Variants in LHPP observed in about 807,000 individuals in gnomAD.
LHPP encodes the protein phospholysine phosphohistidine inorganic pyrophosphate phosphatase.
LHPP carries 24 observed loss-of-function variants against 30.3 expected under a neutral mutation model. The observed-to-expected ratio is 0.79, with a 90% confidence interval of 0.57 to 1.11. The LOEUF is 1.11. Among genes scored for constraint, LHPP ranks in the 50% most tolerant of loss-of-function variants. The probability of loss-of-function intolerance (pLI) is 0.00; values close to 1 mark genes in which losing one functional copy is unlikely to be tolerated. For synonymous variants in LHPP, 150 were observed against 157.1 expected (o/e 0.95, Z 0.34); for missense variants, 356 against 367.2 (o/e 0.97, Z 0.25).
At chr10:124,469,481 CCACCTTCCCTTCA>C (rs1007290413) in intron 1 of LHPP, among the ~76,000 whole-genome samples, 1 of 151,430 alleles carries the variant, frequency 6.6e-6, no homozygotes, top group African/African-American at 2.4e-5. Flanking sequence ...GCTTAACCAC[CCACCTTCCCTTCA>C]CACCAGCCCC....
intron 6 of LHPP, among the ~76,000 whole-genome samples, chr10:124,609,762 C>T (rs1451846412): frequency 6.6e-6 from 1 of 152,190 alleles, no homozygotes; most frequent in African/African-American, 2.4e-5. Context: ...GTGTATTCCT[C>T]GAGTCTGGCC....
intron 6 of LHPP, among the ~76,000 whole-genome samples, chr10:124,587,087 C>T (rs1275671743): frequency 4.1e-5 from 6 of 146,698 alleles, no homozygotes; most frequent in Admixed American, 7.1e-5. Flanking sequence ...TAGAGTGCAA[C>T]GGCACAATCT....
At chr10:124,508,209 T>C (rs1396412654) in intron 5 of LHPP, among the ~76,000 whole-genome samples, 1 of 152,030 alleles carries the variant, frequency 6.6e-6, no homozygotes, top group Non-Finnish European at 1.5e-5. Context: ...CCATGGGTGT[T>C]TCCACTGAGG....
rs115908375 is a variant in LHPP, at chr10:124,610,124, G to A, written c.717-3140G>A. ...GCCGAGTCCATATTCCAGCACTGAC[G>A]CAGGATTGCGTGGTGCCAAGTCCCT... On this transcript the variant is annotated intron_variant, in intron 6 of 6. Transcript: ENST00000368842. 5.0e-3 allele frequency among the ~76,000 whole-genome samples: 767 copies of A among 152,300 alleles called. 9 individuals are homozygous for A. The highest frequency in any genetic ancestry group is 0.017 in the African/African-American group (695 of 41,560).
intron 6 of LHPP, among the ~76,000 whole-genome samples, chr10:124,528,520 G>A (rs965429786): frequency 1.8e-4 from 27 of 152,138 alleles, no homozygotes; most frequent in East Asian, 3.9e-4. Flanking sequence ...CACCACACCC[G>A]GCTAATTTTT....
At chr10:124,486,886 T>C (rs1307745856) in intron 2 of LHPP, among the ~76,000 whole-genome samples, 1 of 152,244 alleles carries the variant, frequency 6.6e-6, no homozygotes, top group Non-Finnish European at 1.5e-5. Flanking sequence ...AACATTGCAG[T>C]GGCTCAGAGG....
chr10:124,606,422 C>T (rs546024180), intron 6 of LHPP, among the ~76,000 whole-genome samples: 5 of 152,336 alleles, frequency 3.3e-5, no homozygotes, highest in African/African-American at 1.2e-4. Context: ...CTTTCTTTCC[C>T]AGCAGTGCTG....
chr10:124,527,164 C>T (rs1954762789), intron 6 of LHPP, among the ~76,000 whole-genome samples: 1 of 152,224 alleles, frequency 6.6e-6, no homozygotes, highest in Admixed American at 6.5e-5. Flanking sequence ...GGGACACGGC[C>T]AGGGCTGGTG....
At chr10:124,469,373 G>C (rs184605511) in intron 1 of LHPP, among the ~76,000 whole-genome samples, 14 of 152,126 alleles carry the variant, frequency 9.2e-5, no homozygotes, top group Admixed American at 8.5e-4. Context: ...TGAGGGCCAC[G>C]GAGCACGGGG....
chr10:124,474,739 G>A (rs987157213), intron 1 of LHPP, among the ~76,000 whole-genome samples: 1 of 151,720 alleles, frequency 6.6e-6, no homozygotes. Context: ...TGAACATGCC[G>A]TTGGGGCTCG....
chr10:124,572,030 CT>C (rs949852989), intron 6 of LHPP, among the ~76,000 whole-genome samples: 5 of 152,144 alleles, frequency 3.3e-5, no homozygotes. Flanking sequence ...TGCAGAGCCC[CT>C]TGGGTGTTGG....
chr10:124,566,714 C>T (rs1178674537), intron 6 of LHPP, among the ~76,000 whole-genome samples: 1 of 152,120 alleles, frequency 6.6e-6, no homozygotes, highest in Non-Finnish European at 1.5e-5. Flanking sequence ...TTGGCCTGGC[C>T]ACTGTGAGGC....
chr10:124,581,766 TATAC>T (rs201864715), intron 6 of LHPP, among the ~76,000 whole-genome samples: 32,522 of 94,276 alleles, frequency 0.34, 3,711 homozygotes, highest in South Asian at 0.45. Flanking sequence ...CATATATGTA[TATAC>T]ACACACACAC....
chr10:124,475,105 C>T (rs1330091215), intron 1 of LHPP, among the ~76,000 whole-genome samples: 1 of 140,274 alleles, frequency 7.1e-6, no homozygotes, highest in Non-Finnish European at 1.5e-5. Flanking sequence ...GCACTGCAAC[C>T]TCTGCCACCC....
chr10:124,600,089 C>T (rs1309585696), intron 6 of LHPP, among the ~76,000 whole-genome samples: 1 of 152,098 alleles, frequency 6.6e-6, no homozygotes, highest in African/African-American at 2.4e-5. Context: ...CATGAGTGCT[C>T]GGGAGCGGGG....
chr10:124,539,496 CA>C (rs1955122064), intron 6 of LHPP, among the ~76,000 whole-genome samples: 1 of 152,134 alleles, frequency 6.6e-6, no homozygotes, highest in Admixed American at 6.5e-5. Flanking sequence ...CATGGTGGCT[CA>C]TGCTTGTAAT....
At chr10:124,487,445 T>TCTTTC (rs112324477) in intron 2 of LHPP, among the ~76,000 whole-genome samples, 1 of 125,694 alleles carries the variant, frequency 8.0e-6, no homozygotes, top group Non-Finnish European at 1.8e-5. Flanking sequence ...TTTCTTTCTT[T>TCTTTC]TTTTTTTTTT....
chr10:124,529,420 A>T lies in LHPP; in HGVS notation c.716+12149A>T, dbSNP rs7478033. On this transcript the variant is annotated intron_variant, in intron 6 of 6. Transcript: ENST00000368842. Reference sequence around the variant, plus strand: ...GAGCAGCCCACACAGCTCCCACCTGACCAGGGCTCCCCCTTCTCATGGGTG... The same window carrying T: ...GAGCAGCCCACACAGCTCCCACCTGTCCAGGGCTCCCCCTTCTCATGGGTG... 3.5e-3 allele frequency among the ~76,000 whole-genome samples: 536 copies of T among 152,196 alleles called. 1 individual carries two copies. The highest frequency in any genetic ancestry group is 5.9e-3 in the Non-Finnish European group (404 of 67,998).
intron 6 of LHPP, among the ~76,000 whole-genome samples, chr10:124,536,809 A>G (rs1439298310): frequency 6.6e-6 from 1 of 152,134 alleles, no homozygotes; most frequent in Non-Finnish European, 1.5e-5. Flanking sequence ...AGGGAACCAG[A>G]CAGATCGGGG....
Sources: allele counts gnomAD v4.1 joint callset (sites outside exome capture counted in the v4.1 genomes callset), GRCh38; gene constraint gnomAD v4.1.1; transcripts MANE v1.5; gene names NCBI Gene and HGNC (gene_info 2026-07-23, HGNC 2026-07-21).